AGBL4: variants seen among roughly 807,000 people sequenced by gnomAD.
AGBL4 encodes AGBL carboxypeptidase 4, also known as cytosolic carboxypeptidase 6.
Under a neutral mutation model 66.4 loss-of-function variants are expected in AGBL4, and 58 were observed. The observed-to-expected ratio is 0.87, with a 90% CI of 0.71 to 1.09. AGBL4 has a LOEUF of 1.09. Among genes scored for constraint, AGBL4 ranks in the 50% least tolerant of loss-of-function variants. The pLI is 0.00. For missense variants in AGBL4, 579 were observed against 631.0 expected, an observed-to-expected ratio of 0.92 and a Z score of 0.88; for synonymous variants, 234 against 222.9, an observed-to-expected ratio of 1.05 and a Z score of -0.44.
At chr1:49,569,295 G>C (rs964511216) in intron 3 of AGBL4, among the ~76,000 whole-genome samples, 6 of 152,030 alleles carry the variant, frequency 3.9e-5, no homozygotes, top group African/African-American at 1.4e-4. Context: ...GAAAGAATGG[G>C]TAAAACCTAC....
chr1:49,122,048 T>G (rs995406871), intron 4 of AGBL4, among the ~76,000 whole-genome samples: 1 of 152,240 alleles, frequency 6.6e-6, no homozygotes, highest in African/African-American at 2.4e-5. Context: ...TGTCTGCCAG[T>G]TGCTAAGACC....
intron 3 of AGBL4, among the ~76,000 whole-genome samples, chr1:49,252,133 A>G (rs1007596888): frequency 1.3e-5 from 2 of 152,110 alleles, no homozygotes; most frequent in Admixed American, 1.3e-4. Flanking sequence ...GTACATTGAA[A>G]CCCAACAAAA....
At chr1:48,759,588 AC>A (rs377250325) in intron 6 of AGBL4, among the ~76,000 whole-genome samples, 6 of 152,038 alleles carry the variant, frequency 3.9e-5, no homozygotes, top group African/African-American at 1.4e-4. Flanking sequence ...TACCATGACC[AC>A]CCTTCCCAAC....
chr1:48,557,794 A>C (rs1644342691), intron 11 of AGBL4, among the ~76,000 whole-genome samples: 1 of 152,170 alleles, frequency 6.6e-6, no homozygotes, highest in South Asian at 2.1e-4. Context: ...CAGAGCAGAG[A>C]ACCCTGAACC....
At chr1:48,622,931 A>T (rs1645440243) in intron 9 of AGBL4, among the ~76,000 whole-genome samples, 1 of 152,234 alleles carries the variant, frequency 6.6e-6, no homozygotes, top group South Asian at 2.1e-4. Flanking sequence ...AGAAAGGTTA[A>T]GGAACCTGCC....
intron 3 of AGBL4, among the ~76,000 whole-genome samples, chr1:49,341,065 A>G (rs1645530101): frequency 6.6e-6 from 1 of 152,186 alleles, no homozygotes; most frequent in Non-Finnish European, 1.5e-5. Context: ...AGGTGGACAC[A>G]TTCCTCCTTT....
intron 9 of AGBL4, among the ~76,000 whole-genome samples, chr1:48,619,533 G>A (rs1175765011): frequency 6.6e-6 from 1 of 152,132 alleles, no homozygotes; most frequent in East Asian, 1.9e-4. Flanking sequence ...CGCTCTGCAG[G>A]GTCCTGAAGC....
At position 48,776,831 on chromosome 1, in the gene AGBL4, T is replaced by G. The variant is rs754796605; in HGVS notation, c.634+90360A>C. On this transcript the variant is annotated intron_variant, in intron 6 of 13. Transcript: ENST00000371839. ...TCCAGGAACCGCACAAAGGCGTACA[T>G]GGTGGGCGCCGGGGGCGGGCCCCGG... is the stretch of plus-strand genomic sequence containing the variant. 10 of 1,426,370 alleles carry G rather than the reference T, an allele frequency of 7.0e-6. 1 individual carries two copies. In the Admixed American group the frequency reaches 1.2e-4, roughly 18 times the overall value. The allele number at this position is 1,426,370 out of a possible 1,614,324, so 88.4% of individuals were successfully genotyped here. A position where few individuals can be genotyped will look rare whatever the true frequency, so the allele number is the denominator to read the frequency against.
intron 1 of AGBL4, among the ~76,000 whole-genome samples, chr1:49,861,762 T>C (rs766352521): frequency 5.0e-4 from 76 of 152,158 alleles, no homozygotes; most frequent in Non-Finnish European, 8.4e-4. Flanking sequence ...CCAGAGAATA[T>C]ACTCAGATCT....
chr1:48,595,005 A>G (rs1644974512), intron 9 of AGBL4, among the ~76,000 whole-genome samples: 1 of 152,180 alleles, frequency 6.6e-6, no homozygotes, highest in African/African-American at 2.4e-5. Context: ...TCCGCATCAG[A>G]CTGATGTAAG....
At chr1:49,550,680 T>C (rs1268095940) in intron 3 of AGBL4, among the ~76,000 whole-genome samples, 1 of 152,228 alleles carries the variant, frequency 6.6e-6, no homozygotes, top group Non-Finnish European at 1.5e-5. Flanking sequence ...GCTGTTAATC[T>C]GATAGGTTTT....
chr1:48,920,124 C>A (rs571413501), intron 5 of AGBL4, among the ~76,000 whole-genome samples: 1 of 152,282 alleles, frequency 6.6e-6, no homozygotes, highest in South Asian at 2.1e-4. Context: ...TGTTCTGTCA[C>A]CCTATGCAAT....
At chr1:49,706,802 C>T (rs1216617612) in intron 2 of AGBL4, among the ~76,000 whole-genome samples, 3 of 151,956 alleles carry the variant, frequency 2.0e-5, no homozygotes, top group African/African-American at 7.2e-5. Context: ...ATTTTATTTA[C>T]CCAGTAGTCA....
chr1:48,954,092 T>A (rs1461054461), intron 5 of AGBL4, among the ~76,000 whole-genome samples: 1 of 152,232 alleles, frequency 6.6e-6, no homozygotes, highest in Non-Finnish European at 1.5e-5. Context: ...CTGTATTCCA[T>A]CTCATAACAG....
intron 6 of AGBL4, among the ~76,000 whole-genome samples, chr1:48,713,102 C>G (rs1049968346): frequency 6.6e-6 from 1 of 152,200 alleles, no homozygotes; most frequent in Non-Finnish European, 1.5e-5. Flanking sequence ...GCACAAGACT[C>G]ATGGTGAGCA....
At chr1:49,470,403 T>C (rs891164288) in intron 3 of AGBL4, among the ~76,000 whole-genome samples, 1 of 152,012 alleles carries the variant, frequency 6.6e-6, no homozygotes, top group African/African-American at 2.4e-5. Flanking sequence ...TAATTTACTA[T>C]CCGTTTCTCT....
chr1:49,403,057 A>T (rs1645121001), intron 3 of AGBL4, among the ~76,000 whole-genome samples: 1 of 152,162 alleles, frequency 6.6e-6, no homozygotes, highest in Admixed American at 6.5e-5. Flanking sequence ...TGTCTGGGTG[A>T]TCTGTCCAAT....
chr1:49,014,718 C>T (rs1662685646), intron 5 of AGBL4, among the ~76,000 whole-genome samples: 1 of 152,220 alleles, frequency 6.6e-6, no homozygotes, highest in African/African-American at 2.4e-5. Flanking sequence ...CAGTCCCACC[C>T]TACAGGGAAC....
chr1:50,017,744 G>A (rs1172670657), intron 1 of AGBL4, among the ~76,000 whole-genome samples: 2 of 152,056 alleles, frequency 1.3e-5, no homozygotes, highest in Non-Finnish European at 2.9e-5. Context: ...GGGTAGAGAG[G>A]GGCAGGAGGG....
Sources: allele counts gnomAD v4.1 joint callset (sites outside exome capture counted in the v4.1 genomes callset), GRCh38; gene constraint gnomAD v4.1.1; transcripts MANE v1.5; gene names NCBI Gene and HGNC (gene_info 2026-07-23, HGNC 2026-07-21).